POU6F2: variants seen among roughly 807,000 people sequenced by gnomAD.
POU6F2 encodes POU class 6 homeobox 2.
Under a neutral mutation model 71.3 loss-of-function variants are expected in POU6F2, and 31 were observed. The ratio of observed to expected loss-of-function variants is 0.43; its 90% CI spans 0.33 to 0.59. The LOEUF (loss-of-function observed/expected upper bound fraction) is 0.59. Ranked by LOEUF, POU6F2 falls within the 20% of genes least tolerant of loss-of-function variation. POU6F2 has a pLI of 0.04. For synonymous variants in POU6F2, 347 were observed against 355.7 expected (o/e 0.98, Z 0.27); for missense variants, 783 against 856.8 (o/e 0.91, Z 1.07).
At chr7:38,997,924 T>G (rs1788785038) in intron 1 of POU6F2, among the ~76,000 whole-genome samples, 1 of 152,206 alleles carries the variant, frequency 6.6e-6, no homozygotes, top group Non-Finnish European at 1.5e-5. Flanking sequence ...ATTAACTGAT[T>G]TGTTCAAAGG....
At chr7:39,255,596 G>A (rs906601383) in intron 4 of POU6F2, among the ~76,000 whole-genome samples, 1 of 152,182 alleles carries the variant, frequency 6.6e-6, no homozygotes, top group Admixed American at 6.5e-5. Context: ...ACTTTGGAAA[G>A]TATAAAGGTT....
intron 4 of POU6F2, among the ~76,000 whole-genome samples, chr7:39,211,280 A>G (rs966239355): frequency 1.1e-4 from 17 of 152,140 alleles, no homozygotes; most frequent in Non-Finnish European, 2.9e-5. Context: ...TCTTATGACA[A>G]TGGATGACCC....
intron 2 of POU6F2, among the ~76,000 whole-genome samples, chr7:39,104,981 T>C (rs1791649413): frequency 6.6e-6 from 1 of 152,214 alleles, no homozygotes; most frequent in South Asian, 2.1e-4. Context: ...GAAGGTTACC[T>C]TTTTTATCAC....
chr7:39,297,490 C>T (rs1406181879), intron 4 of POU6F2, among the ~76,000 whole-genome samples: 1 of 152,022 alleles, frequency 6.6e-6, no homozygotes, highest in African/African-American at 2.4e-5. Context: ...ACTACTTGAA[C>T]CAAAAAGTAG....
intron 6 of POU6F2, among the ~76,000 whole-genome samples, chr7:39,416,205 C>G (rs915558159): frequency 7.3e-5 from 11 of 151,442 alleles, no homozygotes; most frequent in African/African-American, 2.7e-4. Flanking sequence ...GGTATTTTTA[C>G]TATGATTATT....
chr7:39,344,052 C>G (rs1393930419), intron 5 of POU6F2, among the ~76,000 whole-genome samples: 1 of 152,172 alleles, frequency 6.6e-6, no homozygotes, highest in African/African-American at 2.4e-5. Context: ...GCTATAAGCT[C>G]TGGTCCCAGA....
intron 2 of POU6F2, among the ~76,000 whole-genome samples, chr7:39,194,562 TCTGTAAAGTGGACCAATCAGC>T (rs1400473323): frequency 2.0e-5 from 3 of 151,360 alleles, no homozygotes; most frequent in East Asian, 2.0e-4. Context: ...CAATCAGCGC[TCTGTAAAGTGGACCAATCAGC>T]GCTCTGTAAA....
intron 2 of POU6F2, among the ~76,000 whole-genome samples, chr7:39,113,816 A>G (rs2128726151): frequency 6.6e-6 from 1 of 152,326 alleles, no homozygotes; most frequent in African/African-American, 2.4e-5. Flanking sequence ...TCACGAGAGC[A>G]CATTTGCTTC....
At chr7:39,323,612 G>A (rs2128769599) in intron 4 of POU6F2, among the ~76,000 whole-genome samples, 1 of 152,116 alleles carries the variant, frequency 6.6e-6, no homozygotes, top group East Asian at 1.9e-4. Flanking sequence ...TCTAATATTG[G>A]GCTGAGCACT....
intron 4 of POU6F2, among the ~76,000 whole-genome samples, chr7:39,240,451 T>G (rs1253073846): frequency 6.6e-6 from 1 of 152,120 alleles, no homozygotes; most frequent in East Asian, 1.9e-4. Context: ...AAGGGCCTTA[T>G]AAATGGAAAG....
At position 39,093,017 on chromosome 7, in the gene POU6F2, T is replaced by A. The variant is rs143507573; in HGVS notation, c.277+6986T>A. On this transcript the variant is annotated intron_variant, in intron 2 of 9. Coordinates refer to ENST00000518318, the MANE Select transcript of POU6F2 (RefSeq NM_001370959.1). Reference sequence around the variant, plus strand: ...CTTTAAAAAATTTCCTAGTATGTTATATGAATGTCTATATTTTATTTGAGG... The same window carrying A: ...CTTTAAAAAATTTCCTAGTATGTTAAATGAATGTCTATATTTTATTTGAGG... Among the ~76,000 whole-genome samples the A allele has an allele frequency of 5.2e-4, 79 of 152,284 alleles. 1 individual carries two copies. The East Asian group carries it at 0.015, about 29-fold the overall frequency.
chr7:39,279,151 G>T (rs76620478), intron 4 of POU6F2, among the ~76,000 whole-genome samples: 108 of 152,144 alleles, frequency 7.1e-4, no homozygotes, highest in African/African-American at 2.5e-3. Flanking sequence ...GCCCTTCTTT[G>T]CCACTCATCC....
intron 1 of POU6F2, among the ~76,000 whole-genome samples, chr7:39,058,172 C>T (rs888605355): frequency 6.6e-6 from 1 of 152,178 alleles, no homozygotes; most frequent in African/African-American, 2.4e-5. Flanking sequence ...CAGCATATTT[C>T]AGCTTGTATC....
At chr7:39,022,050 A>G (rs1371050559) in intron 1 of POU6F2, among the ~76,000 whole-genome samples, 1 of 152,104 alleles carries the variant, frequency 6.6e-6, no homozygotes, top group Non-Finnish European at 1.5e-5. Flanking sequence ...TCTGGCTCTT[A>G]GGAAGACTTT....
At chr7:39,170,024 C>T (rs772582730) in intron 2 of POU6F2, among the ~76,000 whole-genome samples, 1 of 151,996 alleles carries the variant, frequency 6.6e-6, no homozygotes, top group African/African-American at 2.4e-5. Context: ...TTCTACTAGC[C>T]GGGCGTTGTG....
chr7:39,016,236 T>C (rs1187133975), intron 1 of POU6F2, among the ~76,000 whole-genome samples: 1 of 145,428 alleles, frequency 6.9e-6, no homozygotes, highest in Non-Finnish European at 1.5e-5. Flanking sequence ...ATGCAATATA[T>C]ACTGATTATC....
Position 39,095,336 on chromosome 7 carries a change from C to G in POU6F2, c.277+9305C>G, listed in dbSNP as rs138155896. On this transcript the variant is annotated intron_variant, in intron 2 of 9. Coordinates refer to ENST00000518318, the MANE Select transcript of POU6F2 (RefSeq NM_001370959.1). ...CTCCCATTAATTATATCCTGTACTC[C>G]TAGTAATTTTCTAACAAGCCAACTG... 2.2e-3 allele frequency among the ~76,000 whole-genome samples: 337 copies of G among 152,232 alleles called. 2 individuals are homozygous for G. Among genetic ancestry groups the G allele is most frequent in the African/African-American group, 7.6e-3 (314 of 41,550 alleles).
At chr7:39,451,364 CAA>C (rs10595595) in intron 7 of POU6F2, among the ~76,000 whole-genome samples, 167 bp from the exon 8 acceptor site, 43,072 of 110,916 alleles carry the variant, frequency 0.39, 6,497 homozygotes, top group East Asian at 0.52. Flanking sequence ...ATGTGCTCTA[CAA>C]AAAAAAAAAA....
intron 4 of POU6F2, among the ~76,000 whole-genome samples, chr7:39,252,379 CACAT>C (rs1783938532): frequency 7.6e-6 from 1 of 130,762 alleles, no homozygotes; most frequent in South Asian, 2.6e-4. Flanking sequence ...CAAACACACA[CACAT>C]ACAGACAGAC....
Sources: gnomAD v4.1 joint callset for allele counts (sites outside exome capture counted in the v4.1 genomes callset) on GRCh38, gnomAD v4.1.1 for gene constraint, MANE v1.5 for transcripts, NCBI Gene and HGNC (gene_info 2026-07-23, HGNC 2026-07-21) for gene names.